FGD3: variants seen among roughly 807,000 people sequenced by gnomAD.
The protein encoded by FGD3 is FYVE, RhoGEF and PH domain containing 3, also known as FYVE, RhoGEF and PH domain-containing protein 3.
In FGD3, 45 loss-of-function variants were observed where a neutral mutation model predicts 71.8. The ratio of observed to expected loss-of-function variants is 0.63; its 90% CI spans 0.49 to 0.80. The LOEUF (loss-of-function observed/expected upper bound fraction) is 0.80, where lower values mean the gene tolerates loss of function less well. FGD3 is among the 30% of genes least tolerant of loss of function. FGD3 has a pLI of 0.00. For missense variants in FGD3, 844 were observed against 951.5 expected, an observed-to-expected ratio of 0.89 and a Z score of 1.49; for synonymous variants, 378 against 392.8, an observed-to-expected ratio of 0.96 and a Z score of 0.44.
Position 93,013,396 on chromosome 9 carries a change from C to T in FGD3, c.1036-456C>T, listed in dbSNP as rs954010691. 7.9e-5 allele frequency among the ~76,000 whole-genome samples: 12 copies of T among 152,186 alleles called. No individual in the cohort carries two copies. In the East Asian group the frequency reaches 1.2e-3, roughly 15 times the overall value. On this transcript the variant is annotated intron_variant, in intron 8 of 17. Coordinates refer to ENST00000375482, the MANE Select transcript of FGD3 (RefSeq NM_001083536.2). ...CTCAGAGCTGAAGCATGAGCTTTGA[C>T]GCTGTCCCATCGCACTTCTGGGTGC...
At position 93,034,795 on chromosome 9, in the gene FGD3, C is replaced by G. The variant is rs1862526768; in HGVS notation, c.1926+114C>G. ...GGGTCCACCTGCTTGAGCAGTGTTA[C>G]CTGGGGCCTCAGTTTCCCCGGCAGC... On this transcript the variant is annotated intron_variant, in intron 17 of 17. Transcript: ENST00000375482. The G allele has an allele frequency of 3.3e-6, 4 of 1,208,584 alleles. No homozygotes were observed. In the East Asian group the frequency reaches 8.0e-5, roughly 24 times the overall value. The allele number at this position is 1,208,584 out of a possible 1,614,324, so 74.9% of individuals were successfully genotyped here.
intron 14 of FGD3, among the ~76,000 whole-genome samples, chr9:93,025,697 G>A (rs1862090247): frequency 2.6e-5 from 4 of 152,214 alleles, no homozygotes; most frequent in Admixed American, 2.6e-4. Context: ...AGAATTCAAA[G>A]CCTTCCCTGA....
chr9:92,973,823 T>TTC lies in FGD3; in HGVS notation c.-217-1403_-217-1402dup, dbSNP rs968200786. On this transcript the variant is annotated intron_variant, in intron 1 of 17. Coordinates refer to ENST00000375482, the MANE Select transcript of FGD3 (RefSeq NM_001083536.2). ...GAGGAGCCCCTCTGAGATCTCTGGG[T>TTC]TCTCTCTCTCTCTGCAGCTCTCTCA... Among the ~76,000 whole-genome samples, 16 of 152,064 alleles carry TTC rather than the reference T, an allele frequency of 1.1e-4. No homozygotes were observed. The East Asian group carries it at 2.9e-3, about 28-fold the overall frequency.
chr9:92,999,999 G>GT (rs1210292346), intron 3 of FGD3, among the ~76,000 whole-genome samples: 1 of 151,616 alleles, frequency 6.6e-6, no homozygotes, highest in Admixed American at 6.6e-5. Context: ...TGTCTTATAG[G>GT]TTTTTTGTGT....
intron 15 of FGD3, among the ~76,000 whole-genome samples, chr9:93,031,534 A>G (rs13290740): frequency 0.31 from 46,629 of 152,016 alleles, 7,614 homozygotes; most frequent in Middle Eastern, 0.43. Context: ...TTCCTCACAC[A>G]AGAAGTGATA....
intron 8 of FGD3, 38 bp downstream of exon 8, chr9:93,011,310 G>A (rs1861359900): frequency 1.2e-6 from 2 of 1,613,352 alleles, no homozygotes; most frequent in Non-Finnish European, 1.7e-6. Context: ...GCAGGGTGGT[G>A]CAGCAAGAGT....
At chr9:93,022,125 A>G (rs547545750) in intron 13 of FGD3, among the ~76,000 whole-genome samples, 15 of 152,298 alleles carry the variant, frequency 9.8e-5, no homozygotes, top group African/African-American at 3.4e-4. Flanking sequence ...TGCTCCTTCT[A>G]GGAGAGGCCT....
chr9:92,950,940 T>A (rs1040134382), intron 1 of FGD3, among the ~76,000 whole-genome samples: 21 of 151,972 alleles, frequency 1.4e-4, no homozygotes, highest in African/African-American at 5.1e-4. Context: ...GAGATTGGCT[T>A]CTCCCCAAGA....
rs529554829 is a variant in FGD3 at position 92,963,633 on chromosome 9, T to G, written c.-217-11605T>G. Among the ~76,000 whole-genome samples the G allele has an allele frequency of 6.7e-4, 102 of 152,280 alleles. 1 individual carries two copies. The highest frequency in any genetic ancestry group is 2.0e-3 in the African/African-American group (82 of 41,572). Reference sequence around the variant, plus strand: ...GCTTTAAAAAAAATGAATATAAGCCTGGATTAACAAGCATTATTAAAATTG... The same window carrying G: ...GCTTTAAAAAAAATGAATATAAGCCGGGATTAACAAGCATTATTAAAATTG... On this transcript the variant is annotated intron_variant, in intron 1 of 17. Coordinates refer to ENST00000375482, the MANE Select transcript of FGD3 (RefSeq NM_001083536.2).
In FGD3 at chr9:93,032,755, C is replaced by G; in HGVS notation, c.1681-14C>G. On this transcript the variant is annotated splice_polypyrimidine_tract_variant and intron_variant, in intron 15 of 17. Transcript: ENST00000375482. ...CCCAGGGTGCTGGGGTCACACGTGC[C>G]CTCTGTTTGGCAGGTCATCTGTGGG... 6.2e-7 allele frequency: 1 copy of G among 1,613,712 alleles called. No individual in the cohort carries two copies.
At position 93,029,995 on chromosome 9, in the gene FGD3, C is replaced by T. The variant is rs200204136; in HGVS notation, c.1679C>T (p.Ala560Val). Residue 560 changes from alanine (A) to valine (V), a missense_variant and splice_region_variant, in exon 15 of 18, where the codon GCG (alanine) becomes GTG (valine). Physicochemically the swap from Ala to Val is moderately conservative, Grantham distance 64. Coordinates refer to ENST00000375482, the MANE Select transcript of FGD3 (RefSeq NM_001083536.2). ...KRRHHCKLCG[A>V]VICGKCSEFK... Reference sequence around the variant, plus strand: ...AGGCATCACTGCAAGCTGTGTGGGGCGGTGAGTCCCGGGAGAGGGGGACAG... The same window carrying T: ...AGGCATCACTGCAAGCTGTGTGGGGTGGTGAGTCCCGGGAGAGGGGGACAG... The T allele has an allele frequency of 2.2e-5, 35 of 1,611,344 alleles. No individual in the cohort carries two copies. The highest frequency in any genetic ancestry group is 1.9e-4 in the South Asian group (17 of 90,960).
At chr9:92,978,642 A>C in intron 3 of FGD3, among the ~76,000 whole-genome samples, 2 of 147,698 alleles carry the variant, frequency 1.4e-5, no homozygotes, top group African/African-American at 2.5e-5. Flanking sequence ...GGTGAACATG[A>C]ATTGCATGTT....
chr9:92,954,655 C>A (rs1019902050), intron 1 of FGD3, among the ~76,000 whole-genome samples: 6 of 152,206 alleles, frequency 3.9e-5, no homozygotes, highest in Non-Finnish European at 8.8e-5. Flanking sequence ...AGCCGCTCAG[C>A]AAATGGTTGT....
intron 1 of FGD3, among the ~76,000 whole-genome samples, chr9:92,957,689 T>C (rs1488375139): frequency 6.8e-6 from 1 of 147,590 alleles, no homozygotes; most frequent in African/African-American, 2.5e-5. Context: ...TTTTTTTTTT[T>C]TTTTTTTGAG....
At chr9:93,035,295 C>T (rs762561374) in intron 17 of FGD3, 43 bp from the exon 18 acceptor site, 22 of 1,584,678 alleles carry the variant, frequency 1.4e-5, no homozygotes, top group Middle Eastern at 2.3e-4. Flanking sequence ...AGCCCGAGGC[C>T]GGGAAGCTGT....
At chr9:93,007,741 A>C (rs926698896) in intron 6 of FGD3, among the ~76,000 whole-genome samples, 15 of 152,296 alleles carry the variant, frequency 9.8e-5, no homozygotes, top group Non-Finnish European at 1.3e-4. Context: ...GGCTGTGGGG[A>C]GGGCTCTCCG....
At chr9:92,967,243 G>A (rs375916764) in intron 1 of FGD3, among the ~76,000 whole-genome samples, 76 of 152,232 alleles carry the variant, frequency 5.0e-4, no homozygotes, top group Non-Finnish European at 9.3e-4. Context: ...AATTACAGGC[G>A]TGAGCCACCG....
chr9:93,005,262 G>T (rs1236954762), intron 5 of FGD3, among the ~76,000 whole-genome samples: 1 of 152,062 alleles, frequency 6.6e-6, no homozygotes, highest in African/African-American at 2.4e-5. Flanking sequence ...AGCTGGGACT[G>T]CAGGCGCCCG....
chr9:92,998,505 G>A (rs919899363), intron 3 of FGD3, among the ~76,000 whole-genome samples: 8 of 152,122 alleles, frequency 5.3e-5, no homozygotes, highest in Non-Finnish European at 1.2e-4. Context: ...TTCCAGCTTT[G>A]TTCCGTTGCT....
Sources: gnomAD v4.1 joint callset for allele counts (sites outside exome capture counted in the v4.1 genomes callset) on GRCh38, gnomAD v4.1.1 for gene constraint, MANE v1.5 for transcripts, NCBI Gene and HGNC (gene_info 2026-07-23, HGNC 2026-07-21) for gene names.